The following PAN3 variants were observed in gnomAD, a reference collection of about 807,000 sequenced individuals.
PAN3 encodes poly(A) specific ribonuclease subunit PAN3, also known as PAN2-PAN3 deadenylation complex subunit PAN3.
PAN3 carries 19 observed loss-of-function variants against 96.2 expected under a neutral mutation model. The ratio of observed to expected loss-of-function variants is 0.20; its 90% CI spans 0.14 to 0.29. PAN3 has a LOEUF of 0.29. Ranked by LOEUF, PAN3 falls within the 10% of genes least tolerant of loss-of-function variation. PAN3 has a pLI of 1.00. For missense variants in PAN3, 882 were observed against 1,108.1 expected, an observed-to-expected ratio of 0.80 and a Z score of 2.90; for synonymous variants, 433 against 406.6, an observed-to-expected ratio of 1.06 and a Z score of -0.78.
At chr13:28,255,771 A>C (rs907095434) in intron 6 of PAN3, among the ~76,000 whole-genome samples, 8 of 151,972 alleles carry the variant, frequency 5.3e-5, no homozygotes, top group Non-Finnish European at 1.2e-4. Context: ...TTTTCAAACA[A>C]TTTTGTTAAT....
At chr13:28,170,468 G>A (rs569280511) in intron 1 of PAN3, among the ~76,000 whole-genome samples, 2 of 152,152 alleles carry the variant, frequency 1.3e-5, no homozygotes, top group African/African-American at 2.4e-5. Flanking sequence ...TTGAATTCTT[G>A]GCATGTTCAA....
intron 4 of PAN3, among the ~76,000 whole-genome samples, chr13:28,182,142 A>G (rs1875871276): frequency 3.3e-5 from 5 of 152,226 alleles, no homozygotes. Flanking sequence ...ACAGAGTTAG[A>G]TATTGGAATA....
intron 17 of PAN3, among the ~76,000 whole-genome samples, chr13:28,287,308 C>T (rs916425731): frequency 6.6e-6 from 1 of 152,046 alleles, no homozygotes; most frequent in African/African-American, 2.4e-5. Flanking sequence ...AATTGTATCA[C>T]AGTTTGATCT....
intron 5 of PAN3, among the ~76,000 whole-genome samples, chr13:28,203,469 A>G (rs973037511): frequency 9.2e-5 from 14 of 151,950 alleles, no homozygotes; most frequent in Admixed American, 6.6e-4. Context: ...GTGCCCAGCT[A>G]GGTTTTCTTT....
intron 5 of PAN3, among the ~76,000 whole-genome samples, chr13:28,217,534 G>A (rs1037352937): frequency 6.6e-6 from 1 of 151,352 alleles, no homozygotes; most frequent in African/African-American, 2.4e-5. Flanking sequence ...GTGAGTGAAG[G>A]TTGTGCCACT....
chr13:28,194,450 G>T lies in PAN3; in HGVS notation c.691-2735G>T, dbSNP rs1276119361. On this transcript the variant is annotated intron_variant, in intron 4 of 18. Coordinates refer to ENST00000380958, the MANE Select transcript of PAN3 (RefSeq NM_175854.8). ...TGTGTATATATACATATATATGTATGTATATATATATATATATTTTTTTTT... is the reference window on the plus strand; with the variant it reads ...TGTGTATATATACATATATATGTATTTATATATATATATATATTTTTTTTT... Among the ~76,000 whole-genome samples, 13 of 100,056 alleles carry T rather than the reference G, an allele frequency of 1.3e-4. 1 individual carries two copies. The East Asian group carries it at 3.1e-3, about 24-fold the overall frequency. The allele number at this position is 100,056 out of a possible 152,430, so 65.6% of individuals were successfully genotyped here. A position where few individuals can be genotyped will look rare whatever the true frequency, so the allele number is the denominator to read the frequency against.
At chr13:28,186,575 C>T (rs951465307) in intron 4 of PAN3, among the ~76,000 whole-genome samples, 9 of 152,132 alleles carry the variant, frequency 5.9e-5, no homozygotes, top group Admixed American at 1.3e-4. Context: ...ATGTACAAGA[C>T]GACTTTTCAT....
intron 2 of PAN3, 129 bp from the exon 3 acceptor site, chr13:28,176,364 A>C (rs1874990935): frequency 1.2e-6 from 1 of 820,948 alleles, no homozygotes; most frequent in Admixed American, 2.2e-5. Context: ...ACTTACAGGA[A>C]GATTAGATTG....
At chr13:28,215,973 G>T in intron 5 of PAN3, 1 of 832,144 alleles carries the variant, frequency 1.2e-6, no homozygotes, top group South Asian at 1.5e-5. Flanking sequence ...AGTTTCAGTT[G>T]GCCATTTAAG....
intron 13 of PAN3, 147 bp downstream of exon 13, chr13:28,271,013 T>TA: frequency 5.1e-5 from 46 of 909,594 alleles, no homozygotes; most frequent in Middle Eastern, 3.7e-4. Flanking sequence ...GTAAGCTTTT[T>TA]AAAGAAAAAA....
At chr13:28,235,684 C>CACACACACAT (rs1566213155) in intron 6 of PAN3, among the ~76,000 whole-genome samples, 2 of 121,230 alleles carry the variant, frequency 1.6e-5, no homozygotes, top group African/African-American at 6.6e-5. Flanking sequence ...CTCTAATATA[C>CACACACACAT]ACACACACAC....
Position 28,167,681 on chromosome 13 carries a change from A to C in PAN3, c.431-6591A>C, listed in dbSNP as rs570503889. On this transcript the variant is annotated intron_variant, in intron 1 of 18. Coordinates refer to ENST00000380958, the MANE Select transcript of PAN3 (RefSeq NM_175854.8). ...GTGAAACCCTGTCTCTACAAAAAAA[A>C]AAAAAAAAAAAAATTAGCTGGGTGT... is the stretch of plus-strand genomic sequence containing the variant. Among the ~76,000 whole-genome samples, 367 of 151,440 alleles carry C rather than the reference A, an allele frequency of 2.4e-3. 2 individuals carry two copies. The highest frequency in any genetic ancestry group is 8.4e-3 in the African/African-American group (347 of 41,278).
chr13:28,287,352 G>A (rs1278918856), intron 17 of PAN3, among the ~76,000 whole-genome samples: 1 of 152,152 alleles, frequency 6.6e-6, no homozygotes, highest in Non-Finnish European at 1.5e-5. Context: ...ATACAGAAAA[G>A]GGATTATCAG....
At chr13:28,180,940 T>C (rs534581249) in intron 4 of PAN3, among the ~76,000 whole-genome samples, 28 of 148,692 alleles carry the variant, frequency 1.9e-4, no homozygotes, top group Non-Finnish European at 3.5e-4. Flanking sequence ...TATTAATTAG[T>C]GCCAATTTAA....
chr13:28,289,705 C>G (rs1025471824), intron 18 of PAN3, among the ~76,000 whole-genome samples: 1 of 152,050 alleles, frequency 6.6e-6, no homozygotes, highest in African/African-American at 2.4e-5. Flanking sequence ...CACGGTGAAA[C>G]CCCGTCCCTA....
intron 4 of PAN3, among the ~76,000 whole-genome samples, chr13:28,194,494 G>T: frequency 7.8e-6 from 1 of 128,878 alleles, no homozygotes. Flanking sequence ...TTGTAGAGAC[G>T]GAGTCTTGCT....
chr13:28,227,577 T>TTGTTTTAGAG (rs1437555439), intron 6 of PAN3, among the ~76,000 whole-genome samples: 1 of 152,168 alleles, frequency 6.6e-6, no homozygotes, highest in Non-Finnish European at 1.5e-5. Context: ...ACCGCTTGGT[T>TTGTTTTAGAG]TCTGTGTTTT....
chr13:28,169,222 C>CTTTTTTTTTTTTTTTTTTTTTTTTTTTT (rs202200725), intron 1 of PAN3, among the ~76,000 whole-genome samples: 2 of 74,990 alleles, frequency 2.7e-5, no homozygotes, highest in African/African-American at 1.1e-4. Context: ...TTTTTGTTTG[C>CTTTTTTTTTTTTTTTTTTTTTTTTTTTT]TTTTTTTTTT....
At chr13:28,282,060 G>A (rs1175131329) in intron 17 of PAN3, among the ~76,000 whole-genome samples, 1 of 152,170 alleles carries the variant, frequency 6.6e-6, no homozygotes, top group African/African-American at 2.4e-5. Flanking sequence ...ACAGGCATGA[G>A]CCACCACGCC....
Sources: gnomAD v4.1 joint callset for allele counts (sites outside exome capture counted in the v4.1 genomes callset) on GRCh38, gnomAD v4.1.1 for gene constraint, MANE v1.5 for transcripts, NCBI Gene and HGNC (gene_info 2026-07-23, HGNC 2026-07-21) for gene names.